Variants in CECR2 observed in about 807,000 individuals in gnomAD.
The protein encoded by CECR2 is chromatin remodeling regulator CECR2.
In CECR2, 30 loss-of-function variants were observed where a neutral mutation model predicts 154.5. The ratio of observed to expected loss-of-function variants is 0.19; its 90% CI spans 0.15 to 0.26. CECR2 has a LOEUF of 0.26. CECR2 is among the 10% of genes least tolerant of loss of function. The probability of loss-of-function intolerance (pLI) is 1.00; values close to 1 mark genes in which losing one functional copy is unlikely to be tolerated. For synonymous variants in CECR2, 725 were observed against 683.7 expected (o/e 1.06, Z -0.94); for missense variants, 1,743 against 1,829.3 (o/e 0.95, Z 0.86).
chr22:17,417,783 TA>T (rs2054177807), intron 1 of CECR2, among the ~76,000 whole-genome samples: 1 of 152,072 alleles, frequency 6.6e-6, no homozygotes, highest in Non-Finnish European at 1.5e-5. Flanking sequence ...CATGCCCGGC[TA>T]ATTTTTTTGT....
Position 17,552,012 on chromosome 22 carries a change from T to G in CECR2, c.4278-19T>G, listed in dbSNP as rs1406147136. On this transcript the variant is annotated intron_variant, in intron 17 of 18. Transcript: ENST00000262608. ...CACGTCTTCATTAATTCTTCATTGC[T>G]TCTTTCTCGTGGCTGTAGAATGCAG... 6.2e-7 allele frequency: 1 copy of G among 1,610,436 alleles called. No individual in the cohort carries two copies. Among genetic ancestry groups the G allele is most frequent in the African/African-American group, 1.3e-5 (1 of 74,820 alleles).
rs1311521015 is a variant in CECR2, at chr22:17,549,603, C to T, written c.4277+39C>T. ...CAGGCTTTTCCCCCTAAAGAGAGAA[C>T]AGATGTTTATTTTATGTATTTATTT... On this transcript the variant is annotated intron_variant, in intron 17 of 18. Coordinates refer to ENST00000262608, the MANE Select transcript of CECR2 (RefSeq NM_001290047.2). 7.0e-6 allele frequency: 10 copies of T among 1,428,902 alleles called. No homozygotes were observed. In the South Asian group the frequency reaches 1.1e-4, roughly 15 times the overall value. 88.5% of individuals were successfully genotyped at this position (1,428,902 alleles called of 1,614,324 possible). A position where few individuals can be genotyped will look rare whatever the true frequency, so the allele number is the denominator to read the frequency against.
chr22:17,397,994 C>T (rs1002953788), intron 1 of CECR2, among the ~76,000 whole-genome samples: 1 of 152,098 alleles, frequency 6.6e-6, no homozygotes, highest in Non-Finnish European at 1.5e-5. Context: ...CTGTGTCTGT[C>T]GGCCTCTGTA....
chr22:17,507,282 G>A (rs1008152636), intron 7 of CECR2, among the ~76,000 whole-genome samples: 1 of 152,168 alleles, frequency 6.6e-6, no homozygotes, highest in African/African-American at 2.4e-5. Context: ...CGCCGTCCTG[G>A]ATGATCCAGA....
intron 7 of CECR2, among the ~76,000 whole-genome samples, chr22:17,506,688 C>G (rs1335026142): frequency 6.6e-6 from 1 of 152,184 alleles, no homozygotes; most frequent in Non-Finnish European, 1.5e-5. Context: ...GAGACTCGCT[C>G]TGTCACTCAG....
intron 8 of CECR2, among the ~76,000 whole-genome samples, chr22:17,516,742 C>T (rs1222425941): frequency 6.6e-6 from 1 of 152,118 alleles, no homozygotes; most frequent in African/African-American, 2.4e-5. Context: ...TTACATGCAC[C>T]TGCCACCACG....
At position 17,557,089 on chromosome 22, in the gene CECR2, C is replaced by T. The variant is rs2056780640; in HGVS notation, c.*4249C>T. 1 of 152,064 alleles carries T rather than the reference C, an allele frequency of 6.6e-6. No homozygotes were observed. The allele number at this position is 152,064 out of a possible 1,614,324, so 9.4% of individuals were successfully genotyped here. ...TAGGACACCAAGCCTCACGCACTTT[C>T]CCCTTGGGACAGTAGTGTTTGGGTG... On this transcript the variant is annotated 3_prime_UTR_variant, in exon 19 of 19. Coordinates refer to ENST00000262608, the MANE Select transcript of CECR2 (RefSeq NM_001290047.2).
rs1204197550 is a variant in CECR2, at chr22:17,541,906, C to G, written c.1952C>G (p.Ser651Cys). 6.2e-7 allele frequency: 1 copy of G among 1,613,970 alleles called. No homozygotes were observed. The highest frequency in any genetic ancestry group is 8.5e-7 in the Non-Finnish European group (1 of 1,179,850). The change falls in exon 15 of 19, where the codon TCT becomes TGT. Residue 651 changes from serine to cysteine, a missense_variant. Ser to Cys is a moderately radical substitution (Grantham distance 112). Transcript: ENST00000262608. ...GATCCTGCCACCTTGTATGGCTCCTCTGGAGTCCCGGAGCCACACCCCGGG... is the reference window on the plus strand; with the variant it reads ...GATCCTGCCACCTTGTATGGCTCCTGTGGAGTCCCGGAGCCACACCCCGGG... ...GSDPATLYGS[S>C]GVPEPHPGEP...
chr22:17,454,373 G>A (rs552023912), intron 1 of CECR2, among the ~76,000 whole-genome samples: 12 of 151,882 alleles, frequency 7.9e-5, no homozygotes, highest in African/African-American at 2.7e-4. Flanking sequence ...GGGAGGCTGA[G>A]GCGGGTGGAT....
intron 8 of CECR2, among the ~76,000 whole-genome samples, chr22:17,521,232 A>G (rs953569149): frequency 1.8e-4 from 27 of 152,146 alleles, no homozygotes; most frequent in African/African-American, 6.0e-4. Context: ...GGCTGCATAA[A>G]TGTCTTCTTT....
At position 17,444,541 on chromosome 22, in the gene CECR2, C is replaced by T. The variant is rs996614114; in HGVS notation, c.127-33047C>T. On this transcript the variant is annotated intron_variant, in intron 1 of 18. Transcript: ENST00000262608. ...ACTCGGGAGACTGAGGCACGAGAAT[C>T]GCTTGAACCCGGGAGGAGGTTGCAG... Among the ~76,000 whole-genome samples, 6 of 151,980 alleles carry T rather than the reference C, an allele frequency of 3.9e-5. No homozygotes were observed. The East Asian group carries it at 5.8e-4, about 15-fold the overall frequency.
intron 2 of CECR2, among the ~76,000 whole-genome samples, chr22:17,489,845 T>C (rs571755146): frequency 6.6e-6 from 1 of 152,066 alleles, no homozygotes; most frequent in South Asian, 2.1e-4. Flanking sequence ...TGATTTCTCT[T>C]TTTTATTTCC....
intron 1 of CECR2, among the ~76,000 whole-genome samples, chr22:17,449,332 C>T (rs185994156): frequency 4.4e-4 from 67 of 152,080 alleles, no homozygotes; most frequent in Non-Finnish European, 6.8e-4. Flanking sequence ...GTCTGTTTCT[C>T]GGACACTTAG....
rs115742981 is a variant in CECR2 at position 17,478,841 on chromosome 22, C to T, written c.221+1159C>T. On this transcript the variant is annotated intron_variant, in intron 2 of 18. Coordinates refer to ENST00000262608, the MANE Select transcript of CECR2 (RefSeq NM_001290047.2). ...GTGCACTAAGTATAATGACTTTTCC[C>T]CCTAGAATACCCAGGTTGTATTTGT... 3.5e-3 allele frequency among the ~76,000 whole-genome samples: 535 copies of T among 152,052 alleles called. 7 individuals are homozygous for T. Among genetic ancestry groups the T allele is most frequent in the African/African-American group, 0.013 (524 of 41,474 alleles).
chr22:17,391,655 T>C (rs894350220), intron 1 of CECR2, among the ~76,000 whole-genome samples: 1 of 152,246 alleles, frequency 6.6e-6, no homozygotes, highest in African/African-American at 2.4e-5. Flanking sequence ...GGTAATAATA[T>C]GGAAATTATA....
chr22:17,401,598 C>G (rs755826994), intron 1 of CECR2, among the ~76,000 whole-genome samples: 1 of 152,030 alleles, frequency 6.6e-6, no homozygotes, highest in Non-Finnish European at 1.5e-5. Flanking sequence ...CCTGTTCGTT[C>G]TACTCAGTGT....
At chr22:17,404,005 A>C (rs1034077066) in intron 1 of CECR2, among the ~76,000 whole-genome samples, 1 of 108,724 alleles carries the variant, frequency 9.2e-6, no homozygotes, top group Non-Finnish European at 2.1e-5. Flanking sequence ...CACACCTGCA[A>C]TCCTAGCACT....
chr22:17,542,916 G>C lies in CECR2; in HGVS notation c.2773G>C (p.Val925Leu). Residue 925 changes from valine (V) to leucine (L), a missense_variant, in exon 16 of 19, where the codon GTC (valine) becomes CTC (leucine). By Grantham distance (32) the Val-to-Leu change is conservative. This residue lies in a region of CECR2 where 1,250 missense variants were observed against 1,192.1 expected (regional missense o/e 1.05). Transcript: ENST00000262608. Reference protein sequence around the residue: ...PFPQVAHPMSVTVSAPKPALG... With the variant: ...PFPQVAHPMSLTVSAPKPALG... ...TCCGCAGGTAGCTCACCCAATGTCAGTCACTGTGTCAGCCCCCAAGCCTGC... is the reference window on the plus strand; with the variant it reads ...TCCGCAGGTAGCTCACCCAATGTCACTCACTGTGTCAGCCCCCAAGCCTGC... The C allele has an allele frequency of 6.2e-7, 1 of 1,613,940 alleles. No homozygotes were observed. The highest frequency in any genetic ancestry group is 8.5e-7 in the Non-Finnish European group (1 of 1,179,886).
In CECR2 at chr22:17,477,577, C is replaced by T. The variant is rs1437763573; in HGVS notation, c.127-11C>T. On this transcript the variant is annotated splice_polypyrimidine_tract_variant and intron_variant, in intron 1 of 18. Coordinates refer to ENST00000262608, the MANE Select transcript of CECR2 (RefSeq NM_001290047.2). ...GTTTGATTTCTCAACTTCCCTCTCT[C>T]CCTCCCTCAGGAGTTAGAAGCCGCT... The T allele has an allele frequency of 6.4e-6, 10 of 1,574,782 alleles. No homozygotes were observed. Among genetic ancestry groups the T allele is most frequent in the Non-Finnish European group, 8.7e-6 (10 of 1,145,092 alleles).
Sources: allele counts gnomAD v4.1 joint callset (sites outside exome capture counted in the v4.1 genomes callset), GRCh38; gene constraint gnomAD v4.1.1; regional missense constraint gnomAD v4.1.1; transcripts MANE v1.5; gene names NCBI Gene and HGNC (gene_info 2026-07-23, HGNC 2026-07-21).